The following ATG7 variants were observed in gnomAD, a reference collection of about 807,000 sequenced individuals.
The protein encoded by ATG7 is ubiquitin-like modifier-activating enzyme ATG7.
Under a neutral mutation model 82.4 loss-of-function variants are expected in ATG7, and 70 were observed. The ratio of observed to expected loss-of-function variants is 0.85; its 90% CI spans 0.70 to 1.04. ATG7 has a LOEUF of 1.04. ATG7 is among the 50% of genes least tolerant of loss of function. ATG7 has a pLI of 0.00. For synonymous variants in ATG7, 287 were observed against 313.0 expected, an observed-to-expected ratio of 0.92 and a Z score of 0.88; for missense variants, 792 against 864.3, an observed-to-expected ratio of 0.92 and a Z score of 1.05.
intron 20 of ATG7, among the ~76,000 whole-genome samples, chr3:11,515,023 TAG>T (rs2092223215): frequency 6.6e-6 from 1 of 151,882 alleles, no homozygotes; most frequent in East Asian, 2.0e-4. Flanking sequence ...GTGTTTTTAG[TAG>T]AGACAGGGTT....
At position 11,437,634 on chromosome 3, in the gene ATG7, A is replaced by G. The variant is rs190410914; in HGVS notation, c.2079+10708A>G. 9.2e-5 allele frequency among the ~76,000 whole-genome samples: 14 copies of G among 152,330 alleles called. No homozygotes were observed. In the East Asian group the frequency reaches 2.7e-3, roughly 29 times the overall value. ...TATACCAGAAAGTTGAATGAAAAGT[A>G]CAGTGAATACCCACATACTCCTACC... On this transcript the variant is annotated intron_variant, in intron 20 of 20. Coordinates refer to ENST00000693202, the MANE Select transcript of ATG7 (RefSeq NM_001349232.2).
chr3:11,382,483 T>G (rs1388305772), intron 19 of ATG7, among the ~76,000 whole-genome samples: 2 of 152,136 alleles, frequency 1.3e-5, no homozygotes, highest in African/African-American at 4.8e-5. Flanking sequence ...TATTGAAGGA[T>G]GGTGGGGAGA....
intron 14 of ATG7, among the ~76,000 whole-genome samples, chr3:11,349,182 G>A (rs951876851): frequency 2.6e-5 from 4 of 152,078 alleles, no homozygotes; most frequent in East Asian, 1.9e-4. Flanking sequence ...TGATTGGTGC[G>A]TTTCTACAGA....
At chr3:11,537,294 TTCC>T (rs1365902331) in intron 20 of ATG7, among the ~76,000 whole-genome samples, 1 of 152,178 alleles carries the variant, frequency 6.6e-6, no homozygotes, top group East Asian at 1.9e-4. Context: ...TCCTCCATCA[TTCC>T]ACCTCTCACC....
chr3:11,397,047 A>G (rs933132246), intron 19 of ATG7, among the ~76,000 whole-genome samples: 2 of 152,198 alleles, frequency 1.3e-5, no homozygotes. Context: ...CAAGATACAA[A>G]GCACAAGAAG....
intron 3 of ATG7, among the ~76,000 whole-genome samples, chr3:11,283,378 G>T (rs989067384): frequency 6.6e-6 from 1 of 152,178 alleles, no homozygotes; most frequent in African/African-American, 2.4e-5. Context: ...TTGACTGCTT[G>T]CTGTATGCCA....
chr3:11,286,861 C>G (rs1944159543), intron 3 of ATG7, among the ~76,000 whole-genome samples: 1 of 151,084 alleles, frequency 6.6e-6, no homozygotes, highest in South Asian at 2.1e-4. Flanking sequence ...CGCCTCAGAC[C>G]CCCAAAGTGC....
At chr3:11,383,829 C>T (rs2078109161) in intron 19 of ATG7, among the ~76,000 whole-genome samples, 1 of 152,232 alleles carries the variant, frequency 6.6e-6, no homozygotes, top group Non-Finnish European at 1.5e-5. Context: ...CATACTACTA[C>T]AGAAAATAAA....
At chr3:11,573,591 A>ATCC in the ATG7 span, among the ~76,000 whole-genome samples, 1 of 152,130 alleles carries the variant, frequency 6.6e-6, no homozygotes, top group Non-Finnish European at 1.5e-5. Context: ...GCTGCTGTGT[A>ATCC]TCCTCGGTGA....
At chr3:11,499,209 T>C (rs999668908) in intron 20 of ATG7, among the ~76,000 whole-genome samples, 4 of 152,170 alleles carry the variant, frequency 2.6e-5, no homozygotes, top group Non-Finnish European at 5.9e-5. Context: ...TGTTGGGGAC[T>C]ACACAGCTTC....
At chr3:11,364,757 C>T in intron 18 of ATG7, 23 bp downstream of exon 18, 1 of 1,612,770 alleles carries the variant, frequency 6.2e-7, no homozygotes. Flanking sequence ...GAAGTGAAAT[C>T]ACAATTCTTT....
chr3:11,485,330 A>G (rs1049545302), intron 20 of ATG7, among the ~76,000 whole-genome samples: 1 of 152,180 alleles, frequency 6.6e-6, no homozygotes, highest in Non-Finnish European at 1.5e-5. Flanking sequence ...TTGGCTGCAT[A>G]AATGTCGTCT....
intron 20 of ATG7, among the ~76,000 whole-genome samples, chr3:11,525,513 A>G (rs1325978554): frequency 4.7e-5 from 5 of 105,412 alleles, no homozygotes; most frequent in Non-Finnish European, 9.5e-5. Context: ...TTGTTTGTTG[A>G]TTAACACCTT....
At chr3:11,451,778 A>T (rs2085160634) in intron 20 of ATG7, among the ~76,000 whole-genome samples, 1 of 140,318 alleles carries the variant, frequency 7.1e-6, no homozygotes, top group Non-Finnish European at 1.5e-5. Flanking sequence ...ATATATGTTT[A>T]TAGTCTCAAA....
chr3:11,364,530 C>T, intron 17 of ATG7, 129 bp from the exon 18 acceptor site: 3 of 977,370 alleles, frequency 3.1e-6, no homozygotes, highest in Non-Finnish European at 4.6e-6. Context: ...TAGTTTTTTG[C>T]TAACTTACAC....
At chr3:11,361,267 T>C (rs937208692) in intron 16 of ATG7, among the ~76,000 whole-genome samples, 4 of 152,102 alleles carry the variant, frequency 2.6e-5, no homozygotes, top group African/African-American at 9.7e-5. Context: ...TAACTTTGAA[T>C]TTCAGTTAAT....
intron 20 of ATG7, among the ~76,000 whole-genome samples, chr3:11,449,712 T>A (rs998896827): frequency 6.6e-6 from 1 of 152,218 alleles, no homozygotes; most frequent in African/African-American, 2.4e-5. Context: ...CCCAGTTAGA[T>A]GCAAAGCTTC....
intron 20 of ATG7, among the ~76,000 whole-genome samples, chr3:11,468,400 C>T (rs116490305): frequency 3.7e-4 from 57 of 152,194 alleles, no homozygotes; most frequent in African/African-American, 1.3e-3. Flanking sequence ...CGCCTATCCT[C>T]CTCCCCACTC....
intron 20 of ATG7, among the ~76,000 whole-genome samples, chr3:11,468,873 C>T (rs995665818): frequency 2.6e-5 from 4 of 152,176 alleles, no homozygotes; most frequent in African/African-American, 7.2e-5. Flanking sequence ...CCTGAGTGGA[C>T]CTAATGTATT....
Sources: gnomAD v4.1 joint callset for allele counts (sites outside exome capture counted in the v4.1 genomes callset) on GRCh38, gnomAD v4.1.1 for gene constraint, MANE v1.5 for transcripts, NCBI Gene and HGNC (gene_info 2026-07-23, HGNC 2026-07-21) for gene names.